The following RBM44 variants were observed in gnomAD, a reference collection of about 807,000 sequenced individuals.
RBM44 encodes RNA binding motif protein 44.
A neutral mutation model predicts 105.1 loss-of-function variants in RBM44; 66 were observed. The ratio of observed to expected loss-of-function variants is 0.63; its 90% CI spans 0.52 to 0.77. RBM44 has a LOEUF of 0.77. Among genes scored for constraint, RBM44 ranks in the 30% least tolerant of loss-of-function variants. RBM44 has a pLI of 0.00. For synonymous variants in RBM44, 365 were observed against 417.6 expected, an observed-to-expected ratio of 0.87 and a Z score of 1.54; for missense variants, 1,122 against 1,207.8, an observed-to-expected ratio of 0.93 and a Z score of 1.05.
At position 237,798,876 on chromosome 2, in the gene RBM44, G is replaced by A. The variant is rs10194497; in HGVS notation, c.-19+15G>A. 3,184 of 153,566 alleles carry A rather than the reference G, an allele frequency of 0.021. 112 individuals are homozygous for A. Among genetic ancestry groups the A allele is most frequent in the African/African-American group, 0.073 (3,016 of 41,562 alleles). 9.5% of individuals were successfully genotyped at this position (153,566 alleles called of 1,614,324 possible). A position where few individuals can be genotyped will look rare whatever the true frequency, so the allele number is the denominator to read the frequency against. ...GCGGATCCGAGGTGCGACGGACAGA[G>A]ACGCGGGGCGGCAGGTCGGGCGGCG... On this transcript the variant is annotated intron_variant, in intron 1 of 15. Transcript: ENST00000316997. This position sits in a 1 kb window ranked among gnomAD's most constrained non-coding sequence, Gnocchi z 4.3.
At chr2:237,831,256 GT>G (rs770003242) in intron 13 of RBM44, among the ~76,000 whole-genome samples, 2,204 of 101,906 alleles carry the variant, frequency 0.022, 46 homozygotes, top group Admixed American at 0.069. Context: ...GGGGGGGGGG[GT>G]TTGTCTTTGT....
At chr2:237,799,411 C>T (rs75565744) in intron 1 of RBM44, 14,390 of 152,410 alleles carry the variant, frequency 0.094, 1,232 homozygotes, top group African/African-American at 0.22. Flanking sequence ...TGAGCGTGAA[C>T]TCAAGGTGGG....
chr2:237,827,675 G>A (rs572867004), intron 12 of RBM44, among the ~76,000 whole-genome samples, 172 bp downstream of exon 12: 1 of 152,196 alleles, frequency 6.6e-6, no homozygotes, highest in South Asian at 2.1e-4. Flanking sequence ...AGTTGATACT[G>A]TTCTTAACCA....
Position 237,829,400 on chromosome 2 carries a change from C to T in RBM44, c.2784C>T (p.Thr928=). The change falls in exon 13 of 16, where the codon ACC becomes ACT. Residue 928 remains threonine (T), a synonymous_variant. Coordinates refer to ENST00000316997, the MANE Select transcript of RBM44 (RefSeq NM_001080504.3). ...GTTCGAATAATTTAGAGAAAAGCAC[C>T]AACAAACAAATCCACTCAGAATTCT... ...RISSNNLEKS[T]NKQIHSEFSI... 3 of 1,613,446 alleles carry T rather than the reference C, an allele frequency of 1.9e-6. No homozygotes were observed. The highest frequency in any genetic ancestry group is 8.5e-7 in the Non-Finnish European group (1 of 1,179,550).
intron 7 of RBM44, 115 bp from the exon 8 acceptor site, chr2:237,821,628 G>T (rs1036340558): frequency 3.8e-6 from 3 of 780,190 alleles, no homozygotes; most frequent in Non-Finnish European, 6.3e-6. Flanking sequence ...TATGTGTTAG[G>T]AACATTTCAA....
In RBM44 at chr2:237,834,111, A is replaced by G. The variant is rs535145555; in HGVS notation, c.3001A>G (p.Arg1001Gly). The change falls in exon 14 of 16, where the codon AGA (arginine) becomes GGA (glycine). Residue 1001 changes from arginine to glycine, a missense_variant. Arg to Gly is a moderately radical substitution (Grantham distance 125). Coordinates refer to ENST00000316997, the MANE Select transcript of RBM44 (RefSeq NM_001080504.3). ...NLRSFTKIIK[R>G]LAELHPEVSR... ...TCGTAGCTTTACCAAGATCATAAAG[A>G]GACTGGCTGAACTGCATCCAGAAGT... 205 of 1,580,374 alleles carry G rather than the reference A, an allele frequency of 1.3e-4. 3 individuals carry two copies. In the South Asian group the frequency reaches 2.3e-3, roughly 18 times the overall value.
intron 13 of RBM44, among the ~76,000 whole-genome samples, chr2:237,832,803 G>A (rs1302143623): frequency 6.6e-6 from 1 of 152,060 alleles, no homozygotes; most frequent in South Asian, 2.1e-4. Context: ...AAAACTCTTC[G>A]ATTCATAACC....
chr2:237,825,408 G>T (rs943749027), intron 10 of RBM44, among the ~76,000 whole-genome samples: 1 of 152,094 alleles, frequency 6.6e-6, no homozygotes, highest in Admixed American at 6.6e-5. Flanking sequence ...GTTTCACCAG[G>T]TTGGCCAGGC....
rs2062013407 is a variant in RBM44, at chr2:237,841,721, A to C, written c.*23-118A>C. 6.6e-6 allele frequency: 1 copy of C among 152,258 alleles called. No homozygotes were observed. The highest frequency in any genetic ancestry group is 1.5e-5 in the Non-Finnish European group (1 of 68,042). 9.4% of individuals were successfully genotyped at this position (152,258 alleles called of 1,614,324 possible). ...AATTCTCACTATCCATGATGTAAGA[A>C]AAATGAAATTTGTTAAAAGATATTC... On this transcript the variant is annotated intron_variant, in intron 15 of 15. Transcript: ENST00000316997. This position sits in a 1 kb window ranked among gnomAD's most constrained non-coding sequence, Gnocchi z 4.5.
At chr2:237,799,205 C>G (rs987234000) in intron 1 of RBM44, 1 of 152,162 alleles carries the variant, frequency 6.6e-6, no homozygotes, top group Admixed American at 6.5e-5. Flanking sequence ...TTCTTCTTGC[C>G]GTGGAGACTG....
Position 237,818,261 on chromosome 2 carries a change from G to C in RBM44, c.1342G>C (p.Glu448Gln). Residue 448 changes from glutamate to glutamine, a missense_variant, in exon 3 of 16, where the codon GAA becomes CAA. Coordinates refer to ENST00000316997, the MANE Select transcript of RBM44 (RefSeq NM_001080504.3). This position sits in a 1 kb window ranked among gnomAD's most constrained non-coding sequence, Gnocchi z 4.6. Reference sequence around the variant, plus strand: ...GAAAACATGCTTTCACAATATAGGAGAAATGTGTACTAAATCATTGACAGA... The same window carrying C: ...GAAAACATGCTTTCACAATATAGGACAAATGTGTACTAAATCATTGACAGA... The part of the protein sequence containing the change: ...TKKTCFHNIG[E>Q]MCTKSLTDAA... 1 of 1,613,114 alleles carries C rather than the reference G, an allele frequency of 6.2e-7. No individual in the cohort carries two copies. The highest frequency in any genetic ancestry group is 8.5e-7 in the Non-Finnish European group (1 of 1,179,406).
rs151068304 is a variant in RBM44, at chr2:237,835,379, G to A, written c.*22+956G>A. Among the ~76,000 whole-genome samples, 6 of 152,238 alleles carry A rather than the reference G, an allele frequency of 3.9e-5. No homozygotes were observed. The East Asian group carries it at 5.8e-4, about 15-fold the overall frequency. On this transcript the variant is annotated intron_variant, in intron 15 of 15. Coordinates refer to ENST00000316997, the MANE Select transcript of RBM44 (RefSeq NM_001080504.3). The stretch of plus-strand genomic sequence containing the variant: ...TAAAAGAAAGAGCTCACTTTAAGTC[G>A]AAAGCTAGAAATGATTAAGCTTAGT...
rs1334372201 is a variant in RBM44 at position 237,841,821 on chromosome 2, C to G, written c.*23-18C>G. ...TACTCAACAATCATTGTTGATTTCTCCTTTCTTTTGATTCTAGAACTTCCT... is the reference window on the plus strand; with the variant it reads ...TACTCAACAATCATTGTTGATTTCTGCTTTCTTTTGATTCTAGAACTTCCT... On this transcript the variant is annotated intron_variant, in intron 15 of 15. Coordinates refer to ENST00000316997, the MANE Select transcript of RBM44 (RefSeq NM_001080504.3). The surrounding 1 kb of genome is among the most constrained non-coding windows in gnomAD (Gnocchi z 4.5). 6.6e-6 allele frequency: 1 copy of G among 152,108 alleles called. No homozygotes were observed. The highest frequency in any genetic ancestry group is 1.5e-5 in the Non-Finnish European group (1 of 67,994). 9.4% of individuals were successfully genotyped at this position (152,108 alleles called of 1,614,324 possible). A position where few individuals can be genotyped will look rare whatever the true frequency, so the allele number is the denominator to read the frequency against.
At chr2:237,839,381 C>G (rs758136258) in intron 15 of RBM44, among the ~76,000 whole-genome samples, 2 of 152,116 alleles carry the variant, frequency 1.3e-5, no homozygotes, top group Non-Finnish European at 1.5e-5. Context: ...TCAAGCGATT[C>G]TGCCTCAGCC....
intron 1 of RBM44, among the ~76,000 whole-genome samples, chr2:237,806,759 A>T (rs2061603005): frequency 1.3e-5 from 2 of 152,156 alleles, no homozygotes; most frequent in Non-Finnish European, 2.9e-5. Context: ...GTGTATTTGT[A>T]GTTACAGACT....
chr2:237,820,377 T>C (rs746536439), intron 5 of RBM44, 26 bp downstream of exon 5: 1 of 1,415,704 alleles, frequency 7.1e-7, no homozygotes, highest in Non-Finnish European at 9.7e-7. Flanking sequence ...AAATCTGTTT[T>C]TTCTTAGAAA....
At chr2:237,833,533 A>G (rs868550600) in intron 13 of RBM44, among the ~76,000 whole-genome samples, 1 of 152,346 alleles carries the variant, frequency 6.6e-6, no homozygotes, top group Admixed American at 6.5e-5. Flanking sequence ...AGTAAATACA[A>G]TGTAAAATAT....
At position 237,818,978 on chromosome 2, in the gene RBM44, CT is replaced by C; in HGVS notation, c.1736+21del. On this transcript the variant is annotated intron_variant, in intron 4 of 15. Coordinates refer to ENST00000316997, the MANE Select transcript of RBM44 (RefSeq NM_001080504.3). This position sits in a 1 kb window ranked among gnomAD's most constrained non-coding sequence, Gnocchi z 4.6. The stretch of plus-strand genomic sequence containing the variant: ...CTGAGAGGTACATCATTTATATATG[CT>C]TACAGATACATCTGGAAGAAAAAAT... The C allele has an allele frequency of 7.8e-7, 1 of 1,279,824 alleles. No individual in the cohort carries two copies. The highest frequency in any genetic ancestry group is 1.1e-6 in the Non-Finnish European group (1 of 916,852). The allele number at this position is 1,279,824 out of a possible 1,614,324, so 79.3% of individuals were successfully genotyped here.
chr2:237,808,317 GC>G (rs2150969912), intron 1 of RBM44, among the ~76,000 whole-genome samples: 1 of 152,106 alleles, frequency 6.6e-6, no homozygotes, highest in African/African-American at 2.4e-5. Context: ...GGGCATGGTG[GC>G]TTGCACCTGT....
Sources: gnomAD v4.1 joint callset for allele counts (sites outside exome capture counted in the v4.1 genomes callset) on GRCh38, gnomAD v4.1.1 for gene constraint, Gnocchi (gnomAD v3.1) non-coding constraint, MANE v1.5 for transcripts, NCBI Gene and HGNC (gene_info 2026-07-23, HGNC 2026-07-21) for gene names.